Variants in SYK observed in about 807,000 individuals in gnomAD.
SYK encodes tyrosine-protein kinase SYK.
SYK carries 16 observed loss-of-function variants against 77.8 expected under a neutral mutation model. The ratio of observed to expected loss-of-function variants is 0.21; its 90% CI spans 0.14 to 0.31. The LOEUF is 0.31. Ranked by LOEUF, SYK falls within the 10% of genes least tolerant of loss-of-function variation. The pLI is 1.00. For missense variants in SYK, 529 were observed against 814.4 expected (o/e 0.65, Z 4.26); for synonymous variants, 312 against 308.7 (o/e 1.01, Z -0.11).
intron 1 of SYK, among the ~76,000 whole-genome samples, chr9:90,810,307 C>G (rs1238572347): frequency 6.6e-6 from 1 of 152,126 alleles, no homozygotes. Context: ...ATCTCCAGCT[C>G]CACATGGCAT....
rs1826881279 is a variant in SYK, at chr9:90,853,101, A to G, written c.578+7507A>G. On this transcript the variant is annotated intron_variant, in intron 3 of 13. Coordinates refer to ENST00000375754, the MANE Select transcript of SYK (RefSeq NM_003177.7). ...ACGAGTGCAACCCAGCACCTAGAAC[A>G]TGGTCTTGGTGGGAAAAATCTCTCT... 2.0e-5 allele frequency among the ~76,000 whole-genome samples: 3 copies of G among 151,244 alleles called. No individual in the cohort carries two copies. The South Asian group carries it at 6.3e-4, about 32-fold the overall frequency.
At chr9:90,834,589 CA>C (rs1237231124) in intron 1 of SYK, among the ~76,000 whole-genome samples, 1 of 152,130 alleles carries the variant, frequency 6.6e-6, no homozygotes, top group East Asian at 1.9e-4. Flanking sequence ...ATGATGTTAA[CA>C]AATTAAATAG....
chr9:90,822,612 G>C (rs1825555734), intron 1 of SYK, among the ~76,000 whole-genome samples: 1 of 152,190 alleles, frequency 6.6e-6, no homozygotes, highest in South Asian at 2.1e-4. Context: ...CTGGAGATAG[G>C]TGATGATTTA....
At chr9:90,843,509 A>C (rs907219436) in intron 1 of SYK, among the ~76,000 whole-genome samples, 1 of 152,108 alleles carries the variant, frequency 6.6e-6, no homozygotes, top group African/African-American at 2.4e-5. Context: ...TGGGACCCTG[A>C]GGGTCAGCCC....
intron 3 of SYK, among the ~76,000 whole-genome samples, chr9:90,848,101 G>A (rs1260852624): frequency 6.6e-6 from 1 of 152,146 alleles, no homozygotes; most frequent in East Asian, 1.9e-4. Flanking sequence ...TATGCTTGTG[G>A]AGAGCAGGGA....
At position 90,887,630 on chromosome 9, in the gene SYK, C is replaced by T. The variant is rs927595218; in HGVS notation, c.1582-119C>T. ...CTTGGCCAGGCTGGTCTCAAGCTCC[C>T]GATCTCAAGTGATCTGCTCTCCTCA... On this transcript the variant is annotated intron_variant, in intron 11 of 13. Coordinates refer to ENST00000375754, the MANE Select transcript of SYK (RefSeq NM_003177.7). 1.7e-5 allele frequency: 20 copies of T among 1,151,322 alleles called. No individual in the cohort carries two copies. In the East Asian group the frequency reaches 2.8e-4, roughly 16 times the overall value. The allele number at this position is 1,151,322 out of a possible 1,614,324, so 71.3% of individuals were successfully genotyped here.
rs540429468 is a variant in SYK at position 90,809,028 on chromosome 9, G to T, written c.-42+7135G>T. On this transcript the variant is annotated intron_variant, in intron 1 of 13. Coordinates refer to ENST00000375754, the MANE Select transcript of SYK (RefSeq NM_003177.7). ...TGCATTTATAGCTGTGCATATGCTTGAGGTGGAAGGCCACCACTTCCTTTT... is the reference window on the plus strand; with the variant it reads ...TGCATTTATAGCTGTGCATATGCTTTAGGTGGAAGGCCACCACTTCCTTTT... Among the ~76,000 whole-genome samples, 11 of 152,284 alleles carry T rather than the reference G, an allele frequency of 7.2e-5. No individual in the cohort carries two copies. In the East Asian group the frequency reaches 1.7e-3, roughly 24 times the overall value.
intron 1 of SYK, among the ~76,000 whole-genome samples, chr9:90,820,266 CTCA>C (rs1825463287): frequency 6.6e-6 from 1 of 152,218 alleles, no homozygotes; most frequent in African/African-American, 2.4e-5. Flanking sequence ...TGACCCTCTA[CTCA>C]CGGCTCCACT....
chr9:90,813,901 A>G (rs1825191042), intron 1 of SYK, among the ~76,000 whole-genome samples: 1 of 152,126 alleles, frequency 6.6e-6, no homozygotes, highest in African/African-American at 2.4e-5. Flanking sequence ...CCACTCTCAC[A>G]TCCCCAGTCA....
rs1587915802 is a variant in SYK at position 90,884,553 on chromosome 9, A to G, written c.1582-3196A>G. 2.9e-5 allele frequency among the ~76,000 whole-genome samples: 3 copies of G among 103,104 alleles called. 1 individual carries two copies. Among genetic ancestry groups the G allele is most frequent in the Non-Finnish European group, 2.1e-5 (1 of 48,530 alleles). 67.6% of individuals were successfully genotyped at this position (103,104 alleles called of 152,430 possible). On this transcript the variant is annotated intron_variant, in intron 11 of 13. Coordinates refer to ENST00000375754, the MANE Select transcript of SYK (RefSeq NM_003177.7). ...TGTGTACATGTACATACATACACAT[A>G]CACATATGTGTACATGTACATACAT...
intron 1 of SYK, among the ~76,000 whole-genome samples, chr9:90,841,540 G>GT: frequency 7.3e-6 from 1 of 136,476 alleles, no homozygotes. Flanking sequence ...TGTAGTATGG[G>GT]GGTGTATGTG....
At chr9:90,826,881 G>A (rs1364464673) in intron 1 of SYK, among the ~76,000 whole-genome samples, 2 of 152,070 alleles carry the variant, frequency 1.3e-5, no homozygotes, top group African/African-American at 4.8e-5. Flanking sequence ...CAGGAGGCCT[G>A]GGAACAGGGA....
rs114502181 is a variant in SYK at position 90,845,633 on chromosome 9, G to A, written c.578+39G>A. ...CTTCCCCCTCACCTCCTGCCACCAG[G>A]CCTGTGTGGACAATTGGGAATAATT... On this transcript the variant is annotated intron_variant, in intron 3 of 13. Coordinates refer to ENST00000375754, the MANE Select transcript of SYK (RefSeq NM_003177.7). 2,464 of 1,602,660 alleles carry A rather than the reference G, an allele frequency of 1.5e-3. 2 individuals are homozygous for A. The highest frequency in any genetic ancestry group is 2.5e-3 in the Middle Eastern group (15 of 6,008).
At chr9:90,869,174 T>C (rs1827630238) in intron 7 of SYK, among the ~76,000 whole-genome samples, 1 of 152,206 alleles carries the variant, frequency 6.6e-6, no homozygotes, top group Admixed American at 6.5e-5. Context: ...TGTATCTTTT[T>C]AAATTTGAAC....
rs117304342 is a variant in SYK at position 90,849,769 on chromosome 9, G to A, written c.578+4175G>A. On this transcript the variant is annotated intron_variant, in intron 3 of 13. Transcript: ENST00000375754. Reference sequence around the variant, plus strand: ...ACCTTATCACCAGCTATGGGACCTTGAGCAAGTTACTCAGTGGTCTGTTTC... The same window carrying A: ...ACCTTATCACCAGCTATGGGACCTTAAGCAAGTTACTCAGTGGTCTGTTTC... Among the ~76,000 whole-genome samples the A allele has an allele frequency of 6.0e-3, 907 of 152,360 alleles. 5 individuals are homozygous for A. Among genetic ancestry groups the A allele is most frequent in the Non-Finnish European group, 9.7e-3 (657 of 68,036 alleles).
At chr9:90,871,400 G>A (rs905178941) in intron 7 of SYK, among the ~76,000 whole-genome samples, 4 of 152,216 alleles carry the variant, frequency 2.6e-5, no homozygotes, top group African/African-American at 7.2e-5. Context: ...TAATAGTAAT[G>A]TAGACCGGAA....
At chr9:90,884,150 T>TGTGTATATATATATACACAC (rs1554714310) in intron 11 of SYK, among the ~76,000 whole-genome samples, 1 of 71,428 alleles carries the variant, frequency 1.4e-5, no homozygotes, top group African/African-American at 6.1e-5. Context: ...TATATGTGTG[T>TGTGTATATATATATACACAC]GTGTATATAT....
intron 1 of SYK, among the ~76,000 whole-genome samples, chr9:90,815,238 C>A (rs1353039910): frequency 6.6e-6 from 1 of 152,210 alleles, no homozygotes; most frequent in Non-Finnish European, 1.5e-5. Flanking sequence ...GCCCTTGTAC[C>A]TTCAAGACCA....
intron 13 of SYK, among the ~76,000 whole-genome samples, chr9:90,891,312 A>AT (rs1386852141): frequency 1.3e-5 from 2 of 151,638 alleles, no homozygotes; most frequent in African/African-American, 2.4e-5. Flanking sequence ...CGCCCAGCTA[A>AT]TTTTTTTGTA....
Sources: gnomAD v4.1 joint callset for allele counts (sites outside exome capture counted in the v4.1 genomes callset) on GRCh38, gnomAD v4.1.1 for gene constraint, MANE v1.5 for transcripts, NCBI Gene and HGNC (gene_info 2026-07-23, HGNC 2026-07-21) for gene names.